The following EPB41L4A variants were observed in gnomAD, a reference collection of about 807,000 sequenced individuals.
EPB41L4A encodes the protein erythrocyte membrane protein band 4.1 like 4A, also known as band 4.1-like protein 4A.
A neutral mutation model predicts 108.6 loss-of-function variants in EPB41L4A; 100 were observed. The observed-to-expected ratio is 0.92, with a 90% CI of 0.78 to 1.09. EPB41L4A has a LOEUF of 1.09. Ranked by LOEUF, EPB41L4A falls within the 50% of genes least tolerant of loss-of-function variation. The probability of loss-of-function intolerance (pLI) is 0.00; values close to 1 mark genes in which losing one functional copy is unlikely to be tolerated. For synonymous variants in EPB41L4A, 319 were observed against 289.0 expected, an observed-to-expected ratio of 1.10 and a Z score of -1.05; for missense variants, 1,030 against 842.7, an observed-to-expected ratio of 1.22 and a Z score of -2.75.
chr5:112,329,024 T>C (rs942387870), intron 1 of EPB41L4A, among the ~76,000 whole-genome samples: 2 of 152,220 alleles, frequency 1.3e-5, no homozygotes, highest in African/African-American at 4.8e-5. Flanking sequence ...GAACAGTGTG[T>C]GTTTAACCAG....
chr5:112,209,885 C>G lies in EPB41L4A; in HGVS notation c.1178+7G>C, dbSNP rs771213287. The G allele has an allele frequency of 6.4e-6, 10 of 1,561,508 alleles. No individual in the cohort carries two copies. The African/African-American group carries it at 9.5e-5, about 15-fold the overall frequency. On this transcript the variant is annotated splice_region_variant and intron_variant, in intron 13 of 22. Transcript: ENST00000261486. ...AATTGTACGTTTCTTCAGTTAACTT[C>G]ACTGACCTTTTTACTGGTGAAGGTG...
At position 112,225,484 on chromosome 5, in the gene EPB41L4A, T is replaced by C. The variant is rs528899441; in HGVS notation, c.1087+9150A>G. Among the ~76,000 whole-genome samples the C allele has an allele frequency of 5.4e-4, 82 of 152,342 alleles. 1 individual carries two copies. The highest frequency in any genetic ancestry group is 5.4e-3 in the Admixed American group (82 of 15,304). ...AGAATGTCTCTATTGGAAATGTGGATGAGCATTTGTGAACTTCATGCATTC... is the reference window on the plus strand; with the variant it reads ...AGAATGTCTCTATTGGAAATGTGGACGAGCATTTGTGAACTTCATGCATTC... On this transcript the variant is annotated intron_variant, in intron 12 of 22. Coordinates refer to ENST00000261486, the MANE Select transcript of EPB41L4A (RefSeq NM_022140.5).
intron 4 of EPB41L4A, among the ~76,000 whole-genome samples, chr5:112,268,842 CAAAAAAAAAAA>C (rs34983995): frequency 5.4e-5 from 3 of 55,916 alleles, no homozygotes; most frequent in South Asian, 1.3e-3. Flanking sequence ...GACCTTCTCT[CAAAAAAAAAAA>C]AAAAAAAAAA....
At chr5:112,205,301 C>G in intron 14 of EPB41L4A, 120 bp downstream of exon 14, 1 of 850,002 alleles carries the variant, frequency 1.2e-6, no homozygotes, top group Non-Finnish European at 2.1e-6. Flanking sequence ...TAGAGTCTGC[C>G]CACTTTATCC....
intron 12 of EPB41L4A, among the ~76,000 whole-genome samples, chr5:112,233,018 T>G (rs765798085): frequency 1.3e-4 from 19 of 151,938 alleles, no homozygotes; most frequent in Non-Finnish European, 2.6e-4. Context: ...GATTAGGTGG[T>G]TTTATTAAAG....
At position 112,195,649 on chromosome 5, in the gene EPB41L4A, T is replaced by G; in HGVS notation, c.1424+12A>C. 1 of 1,608,594 alleles carries G rather than the reference T, an allele frequency of 6.2e-7. No individual in the cohort carries two copies. The highest frequency in any genetic ancestry group is 8.5e-7 in the Non-Finnish European group (1 of 1,175,106). On this transcript the variant is annotated intron_variant, in intron 16 of 22. Transcript: ENST00000261486. ...CTTCCCTCTGACTGTCCTTCCATTTTTGTTTTTTTACCTCCTCCTTTGCTT... is the reference window on the plus strand; with the variant it reads ...CTTCCCTCTGACTGTCCTTCCATTTGTGTTTTTTTACCTCCTCCTTTGCTT...
In EPB41L4A at chr5:112,340,982, C is replaced by T. The variant is rs114252977; in HGVS notation, c.100-33492G>A. On this transcript the variant is annotated intron_variant, in intron 1 of 22. Transcript: ENST00000261486. ...ACATGGCTTAGTCCCTTACTTCATT[C>T]AGATTTCTGCTCAAATGTTACCTTC... 7.3e-3 allele frequency among the ~76,000 whole-genome samples: 1,111 copies of T among 152,304 alleles called. 10 individuals are homozygous for T. The highest frequency in any genetic ancestry group is 0.026 in the African/African-American group (1,062 of 41,564).
At chr5:112,275,295 T>C (rs1177167758) in intron 4 of EPB41L4A, 31 bp downstream of exon 4, 1 of 1,523,494 alleles carries the variant, frequency 6.6e-7, no homozygotes, top group South Asian at 1.2e-5. Context: ...GCAATGCATG[T>C]ATCTGTTCAA....
intron 1 of EPB41L4A, among the ~76,000 whole-genome samples, chr5:112,404,823 C>T (rs1761988096): frequency 6.6e-6 from 1 of 152,140 alleles, no homozygotes; most frequent in Admixed American, 6.5e-5. Flanking sequence ...TCAAGCATTC[C>T]CCAGATCCCC....
intron 2 of EPB41L4A, among the ~76,000 whole-genome samples, chr5:112,286,687 G>C (rs778044514): frequency 3.1e-4 from 47 of 152,178 alleles, no homozygotes; most frequent in Non-Finnish European, 2.5e-4. Context: ...ATCTATTCAG[G>C]AACATGGTTC....
At chr5:112,318,505 C>T (rs751055586) in intron 1 of EPB41L4A, among the ~76,000 whole-genome samples, 22 of 152,154 alleles carry the variant, frequency 1.4e-4, no homozygotes, top group Non-Finnish European at 2.8e-4. Context: ...ACCTTTCAGA[C>T]GCCCTTCTAA....
rs1397704387 is a variant in EPB41L4A at position 112,404,959 on chromosome 5, C to G, written c.99+13982G>C. On this transcript the variant is annotated intron_variant, in intron 1 of 22. Coordinates refer to ENST00000261486, the MANE Select transcript of EPB41L4A (RefSeq NM_022140.5). Reference sequence around the variant, plus strand: ...CTTTCAGGAGGCCAAATCTCTTCTCCAAATCTAAAATCCAAAAACTCATCT... The same window carrying G: ...CTTTCAGGAGGCCAAATCTCTTCTCGAAATCTAAAATCCAAAAACTCATCT... Among the ~76,000 whole-genome samples the G allele has an allele frequency of 5.3e-5, 8 of 152,274 alleles. No individual in the cohort carries two copies. In the East Asian group the frequency reaches 1.4e-3, roughly 26 times the overall value.
At chr5:112,411,636 A>AG (rs2112813583) in intron 1 of EPB41L4A, among the ~76,000 whole-genome samples, 2 of 152,114 alleles carry the variant, frequency 1.3e-5, no homozygotes, top group South Asian at 4.2e-4. Context: ...AAAAAAAAAA[A>AG]AAATCACTTG....
intron 1 of EPB41L4A, among the ~76,000 whole-genome samples, chr5:112,333,839 A>C (rs1268773556): frequency 6.6e-6 from 1 of 152,216 alleles, no homozygotes; most frequent in East Asian, 1.9e-4. Flanking sequence ...TACTGTTACC[A>C]TCAGTTTCCC....
At chr5:112,354,746 T>A (rs1758265682) in intron 1 of EPB41L4A, among the ~76,000 whole-genome samples, 1 of 152,190 alleles carries the variant, frequency 6.6e-6, no homozygotes, top group African/African-American at 2.4e-5. Context: ...CTCCACAGAT[T>A]AACAGTATAT....
chr5:112,198,121 C>A (rs1483594032), intron 15 of EPB41L4A, among the ~76,000 whole-genome samples: 3 of 152,068 alleles, frequency 2.0e-5, no homozygotes, highest in African/African-American at 7.2e-5. Context: ...GCAACCTCCG[C>A]CTTCCGGGTT....
chr5:112,245,605 A>C (rs1453849897), intron 9 of EPB41L4A, among the ~76,000 whole-genome samples: 2 of 152,198 alleles, frequency 1.3e-5, no homozygotes, highest in African/African-American at 2.4e-5. Context: ...AAAATATAGC[A>C]AGTGGAAAAA....
chr5:112,368,352 C>G (rs1054363354), intron 1 of EPB41L4A, among the ~76,000 whole-genome samples: 3 of 152,152 alleles, frequency 2.0e-5, no homozygotes, highest in Non-Finnish European at 2.9e-5. Context: ...TCCCTCCCAC[C>G]TCTTCTGATA....
At chr5:112,389,949 A>C (rs1046042634) in intron 1 of EPB41L4A, among the ~76,000 whole-genome samples, 1 of 152,222 alleles carries the variant, frequency 6.6e-6, no homozygotes, top group African/African-American at 2.4e-5. Context: ...GGATGGCATG[A>C]AGGTATAAAG....
Sources: gnomAD v4.1 joint callset for allele counts (sites outside exome capture counted in the v4.1 genomes callset) on GRCh38, gnomAD v4.1.1 for gene constraint, MANE v1.5 for transcripts, NCBI Gene and HGNC (gene_info 2026-07-23, HGNC 2026-07-21) for gene names.